Variants in DDI1 observed in about 807,000 individuals in gnomAD.
The protein encoded by DDI1 is DDI proteasomal shuttling factor 1.
DDI1 carries 6 observed loss-of-function variants against 7.2 expected under a neutral mutation model. The ratio of observed to expected loss-of-function variants is 0.83; its 90% CI spans 0.46 to 1.64. The LOEUF (loss-of-function observed/expected upper bound fraction) is 1.64. Among genes scored for constraint, DDI1 ranks in the 40% most tolerant of loss-of-function variants. The probability of loss-of-function intolerance (pLI) is 0.01; values close to 1 mark genes in which losing one functional copy is unlikely to be tolerated. For missense variants in DDI1, 502 were observed against 516.6 expected, an observed-to-expected ratio of 0.97 and a Z score of 0.27; for synonymous variants, 221 against 201.7, an observed-to-expected ratio of 1.10 and a Z score of -0.81.
chr11:104,037,131 G>C lies in DDI1; in HGVS notation c.309G>C (p.Gly103=). 1 of 1,613,890 alleles carries C rather than the reference G, an allele frequency of 6.2e-7. No homozygotes were observed. Among genetic ancestry groups the C allele is most frequent in the Non-Finnish European group, 8.5e-7 (1 of 1,180,008 alleles). Residue 103 remains glycine, a synonymous_variant, in exon 1 of 1, where the codon GGG becomes GGC. Transcript: ENST00000302259. ...RVDFSGIAVP[G]TSSSRPQHPG... ...ACTTCAGTGGCATTGCGGTGCCTGG[G>C]ACGTCCAGCTCCCGTCCACAGCACC... is the stretch of plus-strand genomic sequence containing the variant.
chr11:104,037,642 G>C lies in DDI1; in HGVS notation c.820G>C (p.Glu274Gln), dbSNP rs772649846. The C allele has an allele frequency of 2.5e-6, 4 of 1,614,000 alleles. No individual in the cohort carries two copies. Among genetic ancestry groups the C allele is most frequent in the East Asian group, 2.2e-5 (1 of 44,892 alleles). Residue 274 changes from glutamate to glutamine, a missense_variant, in exon 1 of 1, where the codon GAG (glutamate) becomes CAG (glutamine). Coordinates refer to ENST00000302259, the MANE Select transcript of DDI1 (RefSeq NM_001001711.3). ...GACCATTATGAGCCAGGCTTGTGCCGAGCGATGTAACATCATGAGGCTGGT... is the reference window on the plus strand; with the variant it reads ...GACCATTATGAGCCAGGCTTGTGCCCAGCGATGTAACATCATGAGGCTGGT... ...QMTIMSQACAERCNIMRLVDR... is the reference protein window; with the variant it reads ...QMTIMSQACAQRCNIMRLVDR...
At position 104,037,168 on chromosome 11, in the gene DDI1, C is replaced by T; in HGVS notation, c.346C>T (p.Gln116Ter). ...CCGTCCACAGCACCCTGGACAGCAG[C>T]AGCAGCGCACACCCGCTGCCCAGCG... ...SSRPQHPGQQ[Q>*]QRTPAAQRSQ... The change falls in exon 1 of 1, where the codon CAG becomes TAG. Residue 116 changes from glutamine to a stop codon, truncating the protein, a stop_gained. Coordinates refer to ENST00000302259, the MANE Select transcript of DDI1 (RefSeq NM_001001711.3). LOFTEE classifies it low-confidence loss of function (END_TRUNC). 2 of 1,613,644 alleles carry T rather than the reference C, an allele frequency of 1.2e-6. No homozygotes were observed. The highest frequency in any genetic ancestry group is 1.1e-5 in the South Asian group (1 of 91,072).
Position 104,036,891 on chromosome 11 carries a change from C to T in DDI1, c.69C>T (p.Pro23=). Reference sequence around the variant, plus strand: ...TCACCTTCTCTCTCCAGGTCAGCCCCGACTTTGAGCTCCGAAACTTCAAGG... The same window carrying T: ...TCACCTTCTCTCTCCAGGTCAGCCCTGACTTTGAGCTCCGAAACTTCAAGG... ...SEVTFSLQVS[P]DFELRNFKVL... is the part of the protein sequence containing the mutation. Residue 23 remains proline (P), a synonymous_variant, in exon 1 of 1, where the codon CCC becomes CCT. Coordinates refer to ENST00000302259, the MANE Select transcript of DDI1 (RefSeq NM_001001711.3). 6.2e-7 allele frequency: 1 copy of T among 1,614,136 alleles called. No individual in the cohort carries two copies.
rs1329332882 is a variant in DDI1 at position 104,038,068 on chromosome 11, T to C, written c.*55T>C. 1.3e-6 allele frequency: 2 copies of C among 1,511,364 alleles called. No homozygotes were observed. The highest frequency in any genetic ancestry group is 1.4e-5 in the African/African-American group (1 of 72,256). The allele number at this position is 1,511,364 out of a possible 1,614,324, so 93.6% of individuals were successfully genotyped here. On this transcript the variant is annotated 3_prime_UTR_variant, in exon 1 of 1. Transcript: ENST00000302259. ...GGGAGCCTCAGGTCCCCGGCAATTA[T>C]AAGTTAAGAGCTTACTGGCAATGTA...
At position 104,038,838 on chromosome 11, in the gene DDI1, C is replaced by G. The variant is rs1040601188; in HGVS notation, c.*825C>G. 1 of 167,048 alleles carries G rather than the reference C, an allele frequency of 6.0e-6. No homozygotes were observed. Among genetic ancestry groups the G allele is most frequent in the African/African-American group, 2.4e-5 (1 of 41,432 alleles). 10.3% of individuals were successfully genotyped at this position (167,048 alleles called of 1,614,324 possible). A position where few individuals can be genotyped will look rare whatever the true frequency, so the allele number is the denominator to read the frequency against. On this transcript the variant is annotated 3_prime_UTR_variant, in exon 1 of 1. Transcript: ENST00000302259. ...GTGGGGACAGGCAGTGGTCCAGGTT[C>G]TCTAATAGTCATTGCAACTAGATCA...
chr11:104,037,744 C>T lies in DDI1; in HGVS notation c.922C>T (p.Gln308Ter). 1 of 1,614,098 alleles carries T rather than the reference C, an allele frequency of 6.2e-7. No individual in the cohort carries two copies. The highest frequency in any genetic ancestry group is 1.1e-5 in the South Asian group (1 of 91,070). ...IIGRVHLAQI[Q>*]IEGDFLQCSF... Reference sequence around the variant, plus strand: ...TGGCCGTGTTCATCTAGCTCAGATTCAAATTGAAGGTGATTTCTTACAGTG... The same window carrying T: ...TGGCCGTGTTCATCTAGCTCAGATTTAAATTGAAGGTGATTTCTTACAGTG... The change falls in exon 1 of 1, where the codon CAA becomes TAA. Residue 308 changes from glutamine to a stop codon, truncating the protein, a stop_gained. Coordinates refer to ENST00000302259, the MANE Select transcript of DDI1 (RefSeq NM_001001711.3). LOFTEE classifies it high-confidence loss of function.
In DDI1 at chr11:104,036,986, T is replaced by A; in HGVS notation, c.164T>A (p.Ile55Asn). 3.7e-6 allele frequency: 6 copies of A among 1,614,206 alleles called. No homozygotes were observed. Among genetic ancestry groups the A allele is most frequent in the Non-Finnish European group, 5.1e-6 (6 of 1,180,016 alleles). ...ATCATCCACATGGAGCGACTCCTCA[T>A]CGAGGACCACTGTTCCCTGGGCTCC... is the stretch of plus-strand genomic sequence containing the variant. ...IQIIHMERLL[I>N]EDHCSLGSYG... Residue 55 changes from isoleucine (I) to asparagine (N), a missense_variant, in exon 1 of 1, where the codon ATC becomes AAC. Ile to Asn is a moderately radical substitution (Grantham distance 149, BLOSUM62 -3). Transcript: ENST00000302259.
rs1321854554 is a variant in DDI1, at chr11:104,036,877, C to T, written c.55C>T (p.Leu19Phe). ...RRDLSEVTFS[L>F]QVSPDFELRN... ...GGACCTCTCCGAGGTCACCTTCTCT[C>T]TCCAGGTCAGCCCCGACTTTGAGCT... Residue 19 changes from leucine to phenylalanine, a missense_variant, in exon 1 of 1, where the codon CTC (leucine) becomes TTC (phenylalanine). Physicochemically the swap from Leu to Phe is conservative, Grantham distance 22. Coordinates refer to ENST00000302259, the MANE Select transcript of DDI1 (RefSeq NM_001001711.3). 1.2e-6 allele frequency: 2 copies of T among 1,614,060 alleles called. No individual in the cohort carries two copies.
rs550162614 is a variant in DDI1 at position 104,037,477 on chromosome 11, C to T, written c.655C>T (p.Arg219Trp). 1.6e-5 allele frequency: 26 copies of T among 1,614,068 alleles called. No individual in the cohort carries two copies. In the East Asian group the frequency reaches 5.1e-4, roughly 32 times the overall value. ...TCAGGCCAAAATAGAAGAGGAAATCCGGCAGCAAAACATTGAAGAAAACAT... is the reference window on the plus strand; with the variant it reads ...TCAGGCCAAAATAGAAGAGGAAATCTGGCAGCAAAACATTGAAGAAAACAT... Reference protein sequence around the residue: ...EAQAKIEEEIRQQNIEENMNI... With the variant: ...EAQAKIEEEIWQQNIEENMNI... Residue 219 changes from arginine (R) to tryptophan (W), a missense_variant, in exon 1 of 1, where the codon CGG becomes TGG. Arg to Trp is a moderately radical substitution (Grantham distance 101). Coordinates refer to ENST00000302259, the MANE Select transcript of DDI1 (RefSeq NM_001001711.3).
In DDI1 at chr11:104,037,669, G is replaced by A; in HGVS notation, c.847G>A (p.Asp283Asn). 6.2e-7 allele frequency: 1 copy of A among 1,614,188 alleles called. No homozygotes were observed. The highest frequency in any genetic ancestry group is 8.5e-7 in the Non-Finnish European group (1 of 1,180,036). The change falls in exon 1 of 1, where the codon GAC becomes AAC. Residue 283 changes from aspartate (D) to asparagine (N), a missense_variant. Coordinates refer to ENST00000302259, the MANE Select transcript of DDI1 (RefSeq NM_001001711.3). ...AERCNIMRLV[D>N]RRWAGVAKGV... Reference sequence around the variant, plus strand: ...GCGATGTAACATCATGAGGCTGGTGGACCGACGGTGGGCTGGGGTTGCTAA... The same window carrying A: ...GCGATGTAACATCATGAGGCTGGTGAACCGACGGTGGGCTGGGGTTGCTAA...
chr11:104,037,665 G>C lies in DDI1; in HGVS notation c.843G>C (p.Leu281=). Residue 281 remains leucine (L), a synonymous_variant, in exon 1 of 1, where the codon CTG becomes CTC. Coordinates refer to ENST00000302259, the MANE Select transcript of DDI1 (RefSeq NM_001001711.3). ...CCGAGCGATGTAACATCATGAGGCT[G>C]GTGGACCGACGGTGGGCTGGGGTTG... is the stretch of plus-strand genomic sequence containing the variant. ...ACAERCNIMR[L]VDRRWAGVAK... 2 of 1,614,148 alleles carry C rather than the reference G, an allele frequency of 1.2e-6. No homozygotes were observed. Among genetic ancestry groups the C allele is most frequent in the Non-Finnish European group, 1.7e-6 (2 of 1,180,032 alleles).
chr11:104,038,222 A>G lies in DDI1; in HGVS notation c.*209A>G. The G allele has an allele frequency of 3.5e-6, 2 of 566,554 alleles. No homozygotes were observed. The highest frequency in any genetic ancestry group is 6.3e-6 in the Non-Finnish European group (2 of 319,154). 35.1% of individuals were successfully genotyped at this position (566,554 alleles called of 1,614,324 possible). On this transcript the variant is annotated 3_prime_UTR_variant, in exon 1 of 1. Transcript: ENST00000302259. ...TTTCCCTTGTCCAGAGATCACTGAAAGGCATCCTGGGAAGGCTCTGGAGGC... is the reference window on the plus strand; with the variant it reads ...TTTCCCTTGTCCAGAGATCACTGAAGGGCATCCTGGGAAGGCTCTGGAGGC...
Position 104,036,967 on chromosome 11 carries a change from C to T in DDI1, c.145C>T (p.His49Tyr), listed in dbSNP as rs1238025599. ...RVPVEEIQII[H>Y]MERLLIEDHC... ...CCCCGTCGAAGAGATCCAGATCATC[C>T]ACATGGAGCGACTCCTCATCGAGGA... Residue 49 changes from histidine to tyrosine, a missense_variant, in exon 1 of 1, where the codon CAC becomes TAC. Transcript: ENST00000302259. 1 of 1,614,226 alleles carries T rather than the reference C, an allele frequency of 6.2e-7. No individual in the cohort carries two copies. The highest frequency in any genetic ancestry group is 1.7e-5 in the Admixed American group (1 of 60,026).
In DDI1 at chr11:104,038,505, G is replaced by A. The variant is rs1860291820; in HGVS notation, c.*492G>A. The A allele has an allele frequency of 5.7e-6, 1 of 174,326 alleles. No homozygotes were observed. The highest frequency in any genetic ancestry group is 1.4e-5 in the Non-Finnish European group (1 of 71,928). The allele number at this position is 174,326 out of a possible 1,614,324, so 10.8% of individuals were successfully genotyped here. On this transcript the variant is annotated 3_prime_UTR_variant, in exon 1 of 1. Transcript: ENST00000302259. ...TTGGGAAGGGTATTAGAAATGGTAG[G>A]TCAGTTACACTATGATGTTAACTAA...
Position 104,037,771 on chromosome 11 carries a change from T to C in DDI1, c.949T>C (p.Ser317Pro), listed in dbSNP as rs1406771758. The change falls in exon 1 of 1, where the codon TCT (serine) becomes CCT (proline). Residue 317 changes from serine (S) to proline (P), a missense_variant. Ser to Pro is a moderately conservative substitution (Grantham distance 74). Transcript: ENST00000302259. Reference sequence around the variant, plus strand: ...AATTGAAGGTGATTTCTTACAGTGCTCTTTCTCCATACTTGAGGATCAACC... The same window carrying C: ...AATTGAAGGTGATTTCTTACAGTGCCCTTTCTCCATACTTGAGGATCAACC... ...IQIEGDFLQCSFSILEDQPMD... is the reference protein window; with the variant it reads ...IQIEGDFLQCPFSILEDQPMD... 1.2e-6 allele frequency: 2 copies of C among 1,614,058 alleles called. No homozygotes were observed. Among genetic ancestry groups the C allele is most frequent in the Admixed American group, 1.7e-5 (1 of 60,008 alleles).
Position 104,038,165 on chromosome 11 carries a change from A to T in DDI1, c.*152A>T. On this transcript the variant is annotated 3_prime_UTR_variant, in exon 1 of 1. Transcript: ENST00000302259. ...GTTCTCAGATGGGTAACTAACGTCA[A>T]TCCTGATTCCTTGGTCTTGGTCCCT... The T allele has an allele frequency of 2.7e-6, 2 of 752,946 alleles. No homozygotes were observed. The highest frequency in any genetic ancestry group is 5.9e-5 in the Admixed American group (2 of 34,174). The allele number at this position is 752,946 out of a possible 1,614,324, so 46.6% of individuals were successfully genotyped here.
Position 104,036,935 on chromosome 11 carries a change from C to T in DDI1, c.113C>T (p.Ser38Phe). ...RNFKVLCEAE[S>F]RVPVEEIQII... ...TTCAAGGTCCTCTGCGAAGCGGAGT[C>T]CAGAGTCCCCGTCGAAGAGATCCAG... Residue 38 changes from serine (S) to phenylalanine (F), a missense_variant, in exon 1 of 1, where the codon TCC becomes TTC. Physicochemically the swap from Ser to Phe is radical, Grantham distance 155. Coordinates refer to ENST00000302259, the MANE Select transcript of DDI1 (RefSeq NM_001001711.3). The T allele has an allele frequency of 1.2e-6, 2 of 1,614,206 alleles. No homozygotes were observed. Among genetic ancestry groups the T allele is most frequent in the African/African-American group, 2.7e-5 (2 of 75,064 alleles).
In DDI1 at chr11:104,036,689, G is replaced by C. The variant is rs1031193989; in HGVS notation, c.-134G>C. 1.3e-5 allele frequency: 9 copies of C among 712,028 alleles called. No homozygotes were observed. In the African/African-American group the frequency reaches 1.6e-4, roughly 13 times the overall value. The allele number at this position is 712,028 out of a possible 1,614,324, so 44.1% of individuals were successfully genotyped here. ...GACAGATGAGTGTCCGCGCCTCTCT[G>C]AGAGGTGAATGAGCCCGGACGGTCC... is the stretch of plus-strand genomic sequence containing the variant. On this transcript the variant is annotated 5_prime_UTR_variant, in exon 1 of 1. Coordinates refer to ENST00000302259, the MANE Select transcript of DDI1 (RefSeq NM_001001711.3).
chr11:104,036,774 A>G lies in DDI1; in HGVS notation c.-49A>G, dbSNP rs751143633. The G allele has an allele frequency of 2.7e-6, 4 of 1,482,456 alleles. No individual in the cohort carries two copies. The highest frequency in any genetic ancestry group is 1.8e-5 in the Admixed American group (1 of 55,740). 91.8% of individuals were successfully genotyped at this position (1,482,456 alleles called of 1,614,324 possible). On this transcript the variant is annotated 5_prime_UTR_variant, in exon 1 of 1. Transcript: ENST00000302259. ...CGACGCAGGCCCGCCCCAGCCCGCC[A>G]GTGAGCCGCCCATGCCCTCTGCTAG...
Sources: gnomAD v4.1 joint callset for allele counts on GRCh38, gnomAD v4.1.1 for gene constraint, MANE v1.5 for transcripts, NCBI Gene and HGNC (gene_info 2026-07-23, HGNC 2026-07-21) for gene names.